Variants in EXT1 observed in about 807,000 individuals in gnomAD.
EXT1 encodes exostosin glycosyltransferase 1, also known as exostosin-1.
A neutral mutation model predicts 82.5 loss-of-function variants in EXT1; 20 were observed. That is an observed-to-expected ratio of 0.24 (90% CI 0.17 to 0.35). The LOEUF (loss-of-function observed/expected upper bound fraction) is 0.35, where lower values mean the gene tolerates loss of function less well. EXT1 is among the 10% of genes least tolerant of loss of function. The pLI is 1.00. For missense variants in EXT1, 757 were observed against 936.5 expected (o/e 0.81, Z 2.50); for synonymous variants, 348 against 350.8 (o/e 0.99, Z 0.09).
At chr8:118,104,603 T>C (rs17506398) in intron 1 of EXT1, among the ~76,000 whole-genome samples, 182 of 152,348 alleles carry the variant, frequency 1.2e-3, no homozygotes, top group African/African-American at 4.0e-3. Flanking sequence ...GAGAAGGACT[T>C]GGCCTAAAAT....
intron 1 of EXT1, among the ~76,000 whole-genome samples, chr8:117,959,211 G>C (rs13263541): frequency 0.48 from 73,216 of 152,040 alleles, 19,367 homozygotes; most frequent in Admixed American, 0.62. Flanking sequence ...GCTGGCCAAG[G>C]GACAGGCAGC....
intron 1 of EXT1, among the ~76,000 whole-genome samples, chr8:118,053,878 C>T (rs186197193): frequency 1.6e-4 from 24 of 152,228 alleles, no homozygotes; most frequent in African/African-American, 5.5e-4. Flanking sequence ...TTCTCCCTTC[C>T]AACACTGAAA....
intron 1 of EXT1, among the ~76,000 whole-genome samples, chr8:118,000,521 C>CCTA (rs1426402172): frequency 6.6e-6 from 1 of 152,200 alleles, no homozygotes; most frequent in African/African-American, 2.4e-5. Context: ...TGTCTTCCTG[C>CCTA]CTAAGAGGCA....
chr8:117,819,675 C>A lies in EXT1; in HGVS notation c.1536+1G>T, dbSNP rs1811889441. 6.2e-7 allele frequency: 1 copy of A among 1,612,006 alleles called. No individual in the cohort carries two copies. The highest frequency in any genetic ancestry group is 1.7e-5 in the Admixed American group (1 of 60,002). On this transcript the variant is annotated splice_donor_variant, in intron 6 of 10. Transcript: ENST00000378204. LOFTEE classifies it high-confidence loss of function. ...GGCTTCTCTGTCAACTTCCCGCTCA[C>A]CTGGGCACAGTACTGGGACTTGGCT...
intron 1 of EXT1, among the ~76,000 whole-genome samples, chr8:117,954,961 T>C (rs1198970980): frequency 6.6e-6 from 1 of 152,092 alleles, no homozygotes; most frequent in African/African-American, 2.4e-5. Context: ...CAAGTCTGGG[T>C]CTCCTATACT....
chr8:117,925,546 A>G (rs1813936709), intron 1 of EXT1, among the ~76,000 whole-genome samples: 1 of 151,978 alleles, frequency 6.6e-6, no homozygotes, highest in South Asian at 2.1e-4. Flanking sequence ...CAGGTTTATG[A>G]GAACAGATCT....
At chr8:118,042,544 C>T (rs916857127) in intron 1 of EXT1, among the ~76,000 whole-genome samples, 5 of 152,164 alleles carry the variant, frequency 3.3e-5, no homozygotes, top group African/African-American at 1.2e-4. Context: ...ATCCACCCAC[C>T]TCAGCCTCCC....
intron 1 of EXT1, among the ~76,000 whole-genome samples, chr8:117,922,588 C>G (rs1813876460): frequency 6.6e-6 from 1 of 151,752 alleles, no homozygotes; most frequent in Non-Finnish European, 1.5e-5. Flanking sequence ...CTGAGAGAGG[C>G]ATGGTTTGTC....
chr8:118,054,047 G>A (rs17476840), intron 1 of EXT1, among the ~76,000 whole-genome samples: 8,791 of 152,220 alleles, frequency 0.058, 818 homozygotes, highest in African/African-American at 0.2. Flanking sequence ...GGAGGCCAGG[G>A]ATGCTGTTAA....
chr8:118,111,062 C>T lies in EXT1; in HGVS notation c.-16G>A, dbSNP rs1817895495. 6.3e-7 allele frequency: 1 copy of T among 1,579,728 alleles called. No homozygotes were observed. The highest frequency in any genetic ancestry group is 8.6e-7 in the Non-Finnish European group (1 of 1,169,536). ...TGGCCTGCATGTGTCCTGCCTGGGT[C>T]AAGAGGATTGTAAATAAACACAAGA... is the stretch of plus-strand genomic sequence containing the variant. On this transcript the variant is annotated 5_prime_UTR_variant, in exon 1 of 11. Transcript: ENST00000378204.
intron 1 of EXT1, among the ~76,000 whole-genome samples, chr8:117,902,446 A>G (rs1019111225): frequency 6.6e-6 from 1 of 152,182 alleles, no homozygotes; most frequent in African/African-American, 2.4e-5. Flanking sequence ...ATCACCACAA[A>G]TGCGTGAGTA....
At chr8:117,858,365 T>C (rs2129852111) in intron 1 of EXT1, among the ~76,000 whole-genome samples, 1 of 152,238 alleles carries the variant, frequency 6.6e-6, no homozygotes, top group South Asian at 2.1e-4. Flanking sequence ...CAAACTCCAC[T>C]GTTGTGTTAT....
rs568182871 is a variant in EXT1, at chr8:118,024,483, T to A, written c.962+85602A>T. Among the ~76,000 whole-genome samples the A allele has an allele frequency of 5.3e-5, 8 of 152,034 alleles. 1 individual carries two copies. The South Asian group carries it at 1.7e-3, about 32-fold the overall frequency. On this transcript the variant is annotated intron_variant, in intron 1 of 10. Coordinates refer to ENST00000378204, the MANE Select transcript of EXT1 (RefSeq NM_000127.3). ...TATGATCTACGGAGATCCTATTATA[T>A]TCCAGGTAATGCACAGACTCTAGGG...
chr8:117,865,980 T>A (rs537791119), intron 1 of EXT1, among the ~76,000 whole-genome samples: 1 of 152,284 alleles, frequency 6.6e-6, no homozygotes, highest in East Asian at 1.9e-4. Context: ...ATCTCAGTAC[T>A]TTGGGAGGTC....
chr8:117,979,184 C>A (rs1161246193), intron 1 of EXT1, among the ~76,000 whole-genome samples: 6 of 152,034 alleles, frequency 3.9e-5, no homozygotes, highest in Non-Finnish European at 8.8e-5. Context: ...GAAATCCCAT[C>A]TCTACTAAAA....
intron 1 of EXT1, among the ~76,000 whole-genome samples, chr8:118,041,530 C>T (rs1471062560): frequency 6.6e-6 from 1 of 152,008 alleles, no homozygotes; most frequent in Non-Finnish European, 1.5e-5. Context: ...CAGGTGAAGC[C>T]CTTAGCACAG....
intron 1 of EXT1, among the ~76,000 whole-genome samples, chr8:117,972,028 T>C (rs955201507): frequency 6.6e-6 from 1 of 151,890 alleles, no homozygotes; most frequent in Non-Finnish European, 1.5e-5. Context: ...CGCATGCCTC[T>C]AATCCCAGCT....
chr8:117,820,890 G>A (rs1811912234), intron 5 of EXT1, among the ~76,000 whole-genome samples: 1 of 152,092 alleles, frequency 6.6e-6, no homozygotes, highest in Non-Finnish European at 1.5e-5. Flanking sequence ...AAGTATGTGA[G>A]GCAGACTTTT....
intron 1 of EXT1, among the ~76,000 whole-genome samples, chr8:117,907,391 C>T (rs1396797926): frequency 1.3e-5 from 2 of 152,180 alleles, no homozygotes; most frequent in Non-Finnish European, 2.9e-5. Context: ...AGAGAACAAT[C>T]GACAAAGCCT....
Sources: allele counts gnomAD v4.1 joint callset (sites outside exome capture counted in the v4.1 genomes callset), GRCh38; gene constraint gnomAD v4.1.1; transcripts MANE v1.5; gene names NCBI Gene and HGNC (gene_info 2026-07-23, HGNC 2026-07-21).